ANKRD44: variants seen among roughly 807,000 people sequenced by gnomAD.
The protein encoded by ANKRD44 is ankyrin repeat domain 44.
ANKRD44 carries 35 observed loss-of-function variants against 116.0 expected under a neutral mutation model. The ratio of observed to expected loss-of-function variants is 0.30; its 90% CI spans 0.23 to 0.40. The LOEUF is 0.40. Among genes scored for constraint, ANKRD44 ranks in the 10% least tolerant of loss-of-function variants. The pLI is 1.00. For synonymous variants in ANKRD44, 435 were observed against 461.8 expected (o/e 0.94, Z 0.74); for missense variants, 1,014 against 1,242.6 (o/e 0.82, Z 2.77).
Position 197,121,501 on chromosome 2 carries a change from G to A in ANKRD44, c.737C>T (p.Ala246Val), listed in dbSNP as rs146931928. The A allele has an allele frequency of 6.3e-5, 102 of 1,614,192 alleles. No homozygotes were observed. In the African/African-American group the frequency reaches 1.1e-3, roughly 18 times the overall value. Residue 246 changes from alanine to valine, a missense_variant, in exon 8 of 28, where the codon GCC (alanine) becomes GTC (valine). Physicochemically the swap from Ala to Val is moderately conservative, Grantham distance 64. Coordinates refer to ENST00000282272, the MANE Select transcript of ANKRD44 (RefSeq NM_001195144.2). ...CACAGCATCCTGTCCATTGTAGCAG[G>A]CGATGTGAAGCGCTGTATTTCCATA... ...NVYGNTALHI[A>V]CYNGQDAVVN...
intron 1 of ANKRD44, among the ~76,000 whole-genome samples, chr2:197,307,663 A>T (rs1369105044): frequency 1.3e-5 from 2 of 151,976 alleles, no homozygotes; most frequent in East Asian, 3.9e-4. Context: ...CAAGATTGAG[A>T]GGTCACTACA....
intron 9 of ANKRD44, 96 bp downstream of exon 9, chr2:197,110,670 A>G: frequency 9.8e-7 from 1 of 1,024,830 alleles, no homozygotes; most frequent in Non-Finnish European, 1.5e-6. Context: ...CTAAAACTCC[A>G]AAACAGGGCA....
chr2:197,101,764 A>G (rs1327486662), intron 9 of ANKRD44, among the ~76,000 whole-genome samples: 1 of 152,226 alleles, frequency 6.6e-6, no homozygotes, highest in Non-Finnish European at 1.5e-5. Context: ...TTTTTCCACA[A>G]TAATTTTTAG....
At chr2:197,015,917 T>C in intron 17 of ANKRD44, 1 of 528,034 alleles carries the variant, frequency 1.9e-6, no homozygotes, top group South Asian at 1.5e-5. Flanking sequence ...TTTGGATCCA[T>C]GAAAGGGGGT....
intron 11 of ANKRD44, among the ~76,000 whole-genome samples, chr2:197,089,081 G>T (rs1456020234): frequency 6.6e-6 from 1 of 152,150 alleles, no homozygotes; most frequent in Non-Finnish European, 1.5e-5. Flanking sequence ...TAGGGCAATC[G>T]ACAGGCAGAT....
intron 16 of ANKRD44, among the ~76,000 whole-genome samples, chr2:197,050,969 C>CTTTTT (rs11428405): frequency 7.4e-6 from 1 of 134,902 alleles, no homozygotes; most frequent in Non-Finnish European, 1.6e-5. Flanking sequence ...GTCTCCCTTA[C>CTTTTT]TTTTTTTTTT....
chr2:197,053,220 A>ACACACC (rs1174256804), intron 16 of ANKRD44, among the ~76,000 whole-genome samples: 1 of 152,166 alleles, frequency 6.6e-6, no homozygotes, highest in Non-Finnish European at 1.5e-5. Context: ...TTACTCTGAC[A>ACACACC]CACACCCACA....
intron 16 of ANKRD44, among the ~76,000 whole-genome samples, chr2:197,027,694 T>C (rs2076623875): frequency 6.6e-6 from 1 of 151,250 alleles, no homozygotes; most frequent in African/African-American, 2.4e-5. Flanking sequence ...TTTTTTTTTT[T>C]TTTTTTTTAA....
intron 16 of ANKRD44, among the ~76,000 whole-genome samples, chr2:197,036,897 G>A (rs2076818219): frequency 6.6e-6 from 1 of 152,186 alleles, no homozygotes; most frequent in Admixed American, 6.5e-5. Flanking sequence ...CCATTTAATA[G>A]TGAAACATTA....
At chr2:197,200,525 C>G (rs2081069652) in intron 1 of ANKRD44, among the ~76,000 whole-genome samples, 1 of 152,144 alleles carries the variant, frequency 6.6e-6, no homozygotes, top group African/African-American at 2.4e-5. Flanking sequence ...AAAAAATTCC[C>G]AAGCTTGGCT....
At chr2:197,228,936 G>A (rs2081788360) in intron 1 of ANKRD44, among the ~76,000 whole-genome samples, 1 of 152,230 alleles carries the variant, frequency 6.6e-6, no homozygotes, top group Admixed American at 6.5e-5. Context: ...TTGGGAGGCT[G>A]AGGCAGCAGA....
At chr2:197,041,099 T>C (rs941950616) in intron 16 of ANKRD44, among the ~76,000 whole-genome samples, 2 of 152,214 alleles carry the variant, frequency 1.3e-5, no homozygotes, top group African/African-American at 4.8e-5. Context: ...AACTAACTCT[T>C]TTCATAAAAA....
At chr2:196,979,634 G>T (rs1219857568) in intron 21 of ANKRD44, among the ~76,000 whole-genome samples, 1 of 140,936 alleles carries the variant, frequency 7.1e-6, no homozygotes, top group African/African-American at 2.7e-5. Flanking sequence ...TGCAATCTCG[G>T]CTCACCACAA....
intron 20 of ANKRD44, among the ~76,000 whole-genome samples, chr2:197,007,396 G>C (rs915573174): frequency 6.6e-6 from 1 of 152,044 alleles, no homozygotes; most frequent in Admixed American, 6.6e-5. Context: ...AAAAAGATTG[G>C]AGATAATATA....
At chr2:197,005,566 A>G (rs2076186947) in intron 21 of ANKRD44, 128 bp downstream of exon 21, 2 of 841,260 alleles carry the variant, frequency 2.4e-6, no homozygotes, top group South Asian at 1.8e-5. Context: ...CACAAAAAAG[A>G]TATCTTGGAT....
At chr2:197,101,424 A>T (rs538440488) in intron 9 of ANKRD44, among the ~76,000 whole-genome samples, 5 of 152,270 alleles carry the variant, frequency 3.3e-5, no homozygotes, top group Non-Finnish European at 5.9e-5. Flanking sequence ...TTATTCCATT[A>T]CCAGGTGATG....
chr2:197,099,677 A>C, intron 10 of ANKRD44, 139 bp downstream of exon 10: 1 of 1,321,880 alleles, frequency 7.6e-7, no homozygotes, highest in Non-Finnish European at 9.7e-7. Flanking sequence ...AATTTATTTA[A>C]AATTTAATTT....
chr2:197,072,091 GAAGGAAGGAA>G (rs1289992485), intron 16 of ANKRD44, among the ~76,000 whole-genome samples: 3 of 143,306 alleles, frequency 2.1e-5, no homozygotes, highest in African/African-American at 8.1e-5. Flanking sequence ...AGGAAGGAAG[GAAGGAAGGAA>G]AAGGAAGAAA....
intron 1 of ANKRD44, among the ~76,000 whole-genome samples, chr2:197,220,878 T>A (rs1271271739): frequency 1.3e-5 from 2 of 152,190 alleles, no homozygotes; most frequent in Admixed American, 6.5e-5. Flanking sequence ...TCATGTTATA[T>A]AATGTCAAAG....
Sources: gnomAD v4.1 joint callset for allele counts (sites outside exome capture counted in the v4.1 genomes callset) on GRCh38, gnomAD v4.1.1 for gene constraint, MANE v1.5 for transcripts, NCBI Gene and HGNC (gene_info 2026-07-23, HGNC 2026-07-21) for gene names.